MIPOL1: variants seen among roughly 807,000 people sequenced by gnomAD.
MIPOL1 encodes the protein mirror-image polydactyly 1, also known as mirror-image polydactyly gene 1 protein.
A neutral mutation model predicts 60.9 loss-of-function variants in MIPOL1; 57 were observed. The observed-to-expected ratio is 0.94, with a 90% CI of 0.76 to 1.17. The LOEUF (loss-of-function observed/expected upper bound fraction) is 1.17, where lower values mean the gene tolerates loss of function less well. Ranked by LOEUF, MIPOL1 falls within the 50% of genes most tolerant of loss-of-function variation. The pLI, the probability that MIPOL1 is intolerant of heterozygous loss-of-function variation, is 0.00. For synonymous variants in MIPOL1, 179 were observed against 168.8 expected, an observed-to-expected ratio of 1.06 and a Z score of -0.47; for missense variants, 551 against 511.6, an observed-to-expected ratio of 1.08 and a Z score of -0.74.
At position 37,439,649 on chromosome 14, in the gene MIPOL1, C is replaced by T. The variant is rs550756383; in HGVS notation, c.1031+16700C>T. On this transcript the variant is annotated intron_variant, in intron 11 of 12. Coordinates refer to ENST00000684589, the MANE Select transcript of MIPOL1 (RefSeq NM_001388067.1). ...CGTACGCATCACTTGCCCCTGAAAA[C>T]GTCAACCCCTGGTCAATCAAATTTC... Among the ~76,000 whole-genome samples the T allele has an allele frequency of 1.5e-4, 23 of 152,164 alleles. No individual in the cohort carries two copies. The South Asian group carries it at 4.2e-3, about 27-fold the overall frequency.
rs573902256 is a variant in MIPOL1 at position 37,486,378 on chromosome 14, A to G, written c.1032-13530A>G. Among the ~76,000 whole-genome samples, 6 of 152,170 alleles carry G rather than the reference A, an allele frequency of 3.9e-5. No individual in the cohort carries two copies. In the South Asian group the frequency reaches 6.2e-4, roughly 16 times the overall value. ...TTTTTTCAATTTTTTAAGAAAGTCA[A>G]TGGTAGCTTGATAGGAGCATTGAAT... On this transcript the variant is annotated intron_variant, in intron 11 of 12. Coordinates refer to ENST00000684589, the MANE Select transcript of MIPOL1 (RefSeq NM_001388067.1).
intron 12 of MIPOL1, among the ~76,000 whole-genome samples, chr14:37,523,787 G>A (rs1478397480): frequency 6.6e-6 from 1 of 152,160 alleles, no homozygotes; most frequent in Non-Finnish European, 1.5e-5. Flanking sequence ...ATACACAGAA[G>A]TGTGTAATTA....
intron 7 of MIPOL1, among the ~76,000 whole-genome samples, chr14:37,302,788 T>C (rs2086425104): frequency 1.3e-5 from 2 of 151,914 alleles, no homozygotes; most frequent in Non-Finnish European, 2.9e-5. Flanking sequence ...TCTGTTTCAT[T>C]AACCTATATG....
intron 12 of MIPOL1, among the ~76,000 whole-genome samples, chr14:37,521,766 A>G (rs2095414278): frequency 1.3e-5 from 2 of 151,960 alleles, no homozygotes; most frequent in African/African-American, 4.8e-5. Flanking sequence ...TTAAAAAGCA[A>G]AAAAAGTTTA....
intron 3 of MIPOL1, among the ~76,000 whole-genome samples, chr14:37,265,463 C>T (rs1393255972): frequency 6.6e-6 from 1 of 152,016 alleles, no homozygotes; most frequent in Non-Finnish European, 1.5e-5. Flanking sequence ...ACAAGACATA[C>T]CACACTGTAA....
chr14:37,439,182 ACAC>A (rs1465511228), intron 11 of MIPOL1, among the ~76,000 whole-genome samples: 1 of 152,196 alleles, frequency 6.6e-6, no homozygotes, highest in African/African-American at 2.4e-5. Context: ...AAATAATTGG[ACAC>A]TTCCATGGCA....
chr14:37,457,816 A>G (rs1294575419), intron 11 of MIPOL1, among the ~76,000 whole-genome samples: 1 of 152,126 alleles, frequency 6.6e-6, no homozygotes, highest in Non-Finnish European at 1.5e-5. Flanking sequence ...ATATAACTAA[A>G]TCACCTGTAG....
At chr14:37,472,713 A>G (rs1317393603) in intron 11 of MIPOL1, among the ~76,000 whole-genome samples, 2 of 152,126 alleles carry the variant, frequency 1.3e-5, no homozygotes, top group African/African-American at 4.8e-5. Flanking sequence ...TACAATTCTA[A>G]TAAGTCCTAT....
chr14:37,491,409 G>A (rs1455251292), intron 11 of MIPOL1, among the ~76,000 whole-genome samples: 1 of 152,094 alleles, frequency 6.6e-6, no homozygotes, highest in African/African-American at 2.4e-5. Context: ...TGTGCCTGTA[G>A]TCTCAGCTAC....
intron 11 of MIPOL1, among the ~76,000 whole-genome samples, chr14:37,486,443 TA>T (rs1315167010): frequency 6.6e-6 from 1 of 152,238 alleles, no homozygotes; most frequent in Non-Finnish European, 1.5e-5. Context: ...TTTCAAGATA[TA>T]GATTCTTCCT....
intron 1 of MIPOL1, among the ~76,000 whole-genome samples, chr14:37,242,269 T>C (rs1972477869): frequency 3.3e-5 from 5 of 152,028 alleles, no homozygotes; most frequent in Admixed American, 3.3e-4. Flanking sequence ...CCCCAACTCA[T>C]AGGCCCTTTC....
chr14:37,344,612 A>G (rs1271590338), intron 9 of MIPOL1, among the ~76,000 whole-genome samples: 1 of 152,130 alleles, frequency 6.6e-6, no homozygotes, highest in Non-Finnish European at 1.5e-5. Flanking sequence ...CTGTTACTAT[A>G]CTAATAATTT....
At chr14:37,415,275 C>A (rs1477077235) in intron 10 of MIPOL1, among the ~76,000 whole-genome samples, 2 of 151,988 alleles carry the variant, frequency 1.3e-5, no homozygotes, top group African/African-American at 4.8e-5. Context: ...AAAAATAATT[C>A]TTGTACCAAT....
At chr14:37,321,234 T>G (rs2088544494) in intron 9 of MIPOL1, among the ~76,000 whole-genome samples, 1 of 152,050 alleles carries the variant, frequency 6.6e-6, no homozygotes, top group African/African-American at 2.4e-5. Context: ...CTTTATATAC[T>G]GCTTTGCATC....
intron 11 of MIPOL1, among the ~76,000 whole-genome samples, chr14:37,486,628 T>G (rs2094950558): frequency 6.6e-6 from 1 of 152,160 alleles, no homozygotes; most frequent in South Asian, 2.1e-4. Flanking sequence ...TTTGTCTGTT[T>G]GTCTGTTATT....
At chr14:37,227,469 T>G (rs976514099) in intron 1 of MIPOL1, among the ~76,000 whole-genome samples, 2 of 151,998 alleles carry the variant, frequency 1.3e-5, no homozygotes, top group Non-Finnish European at 2.9e-5. Flanking sequence ...GTCTAAAACA[T>G]GAAGTGTGTG....
intron 1 of MIPOL1, among the ~76,000 whole-genome samples, chr14:37,211,997 G>T (rs768889540): frequency 2.0e-5 from 3 of 151,970 alleles, no homozygotes; most frequent in Admixed American, 6.6e-5. Context: ...TTGAAGGAAA[G>T]GACCCATTTC....
intron 1 of MIPOL1, among the ~76,000 whole-genome samples, chr14:37,213,847 A>G (rs1242408902): frequency 6.6e-6 from 1 of 152,184 alleles, no homozygotes; most frequent in Non-Finnish European, 1.5e-5. Context: ...ATAACATACA[A>G]TGGTGCTTCG....
chr14:37,350,561 T>C (rs568828912), intron 9 of MIPOL1, among the ~76,000 whole-genome samples: 38 of 152,300 alleles, frequency 2.5e-4, no homozygotes, highest in African/African-American at 9.1e-4. Flanking sequence ...CTTCAAGCAT[T>C]TATCCATTGT....
Sources: allele counts gnomAD v4.1 joint callset (sites outside exome capture counted in the v4.1 genomes callset), GRCh38; gene constraint gnomAD v4.1.1; transcripts MANE v1.5; gene names NCBI Gene and HGNC (gene_info 2026-07-23, HGNC 2026-07-21).